The following DPYSL5 variants were observed in gnomAD, a reference collection of about 807,000 sequenced individuals.
The protein encoded by DPYSL5 is dihydropyrimidinase-related protein 5.
Under a neutral mutation model 58.4 loss-of-function variants are expected in DPYSL5, and 9 were observed. That is an observed-to-expected ratio of 0.15 (90% CI 0.09 to 0.27). The LOEUF (loss-of-function observed/expected upper bound fraction) is 0.27, where lower values mean the gene tolerates loss of function less well. Ranked by LOEUF, DPYSL5 falls within the 10% of genes least tolerant of loss-of-function variation. The pLI is 1.00. For synonymous variants in DPYSL5, 293 were observed against 301.9 expected (o/e 0.97, Z 0.31); for missense variants, 499 against 770.6 (o/e 0.65, Z 4.17).
At chr2:26,888,255 T>TCTTTCTTTCTG (rs1663776825) in intron 1 of DPYSL5, among the ~76,000 whole-genome samples, 9 of 108,256 alleles carry the variant, frequency 8.3e-5, no homozygotes, top group Admixed American at 4.4e-4. Flanking sequence ...CTTTCTTTCT[T>TCTTTCTTTCTG]TCTTTCTTTC....
chr2:26,894,111 T>G (rs1262505674), intron 1 of DPYSL5, among the ~76,000 whole-genome samples: 4 of 150,814 alleles, frequency 2.7e-5, no homozygotes. Flanking sequence ...AAATCCTTAT[T>G]ATTATAGATA....
intron 1 of DPYSL5, among the ~76,000 whole-genome samples, chr2:26,851,164 T>C (rs906269054): frequency 6.6e-6 from 1 of 152,212 alleles, no homozygotes; most frequent in African/African-American, 2.4e-5. Flanking sequence ...TTTCATATTA[T>C]TACCCAAAGG....
chr2:26,848,854 C>T (rs1055926102), intron 1 of DPYSL5, among the ~76,000 whole-genome samples: 14 of 152,182 alleles, frequency 9.2e-5, no homozygotes, highest in Non-Finnish European at 1.9e-4. Context: ...GCCTGAGCCA[C>T]AAAGGCCTCC....
chr2:26,871,086 G>A (rs1663250406), intron 1 of DPYSL5, among the ~76,000 whole-genome samples: 1 of 152,146 alleles, frequency 6.6e-6, no homozygotes, highest in Non-Finnish European at 1.5e-5. Flanking sequence ...CATGTTCAGT[G>A]GAGTTCTTGT....
intron 4 of DPYSL5, among the ~76,000 whole-genome samples, chr2:26,928,043 C>T (rs1664869995): frequency 6.6e-6 from 1 of 152,184 alleles, no homozygotes; most frequent in South Asian, 2.1e-4. Flanking sequence ...TATGTTCAGT[C>T]ATTATGAAGT....
chr2:26,898,643 C>T lies in DPYSL5; in HGVS notation c.144C>T (p.Ala48=). Residue 48 remains alanine (A), a synonymous_variant, in exon 2 of 13, where the codon GCC becomes GCT. Transcript: ENST00000288699. The surrounding 1 kb of genome is among the most constrained non-coding windows in gnomAD (Gnocchi z 6.1). The part of the protein sequence containing the change: ...VGRELMIPGG[A]KVIDATGKLV... ...GCGAGCTCATGATCCCTGGCGGGGC[C>T]AAGGTGATTGATGCCACAGGAAAAC... 2 of 1,614,154 alleles carry T rather than the reference C, an allele frequency of 1.2e-6. No individual in the cohort carries two copies. The highest frequency in any genetic ancestry group is 4.5e-5 in the East Asian group (2 of 44,882).
chr2:26,887,033 T>C (rs768194396), intron 1 of DPYSL5, among the ~76,000 whole-genome samples: 61 of 152,356 alleles, frequency 4.0e-4, no homozygotes, highest in Non-Finnish European at 7.1e-4. Context: ...TGAGCTGACC[T>C]CACCTGCCCC....
At chr2:26,890,396 AC>A (rs1663846493) in intron 1 of DPYSL5, among the ~76,000 whole-genome samples, 1 of 152,190 alleles carries the variant, frequency 6.6e-6, no homozygotes, top group Non-Finnish European at 1.5e-5. Flanking sequence ...CTCCAAAAGC[AC>A]CCTGGGTAGG....
At chr2:26,906,221 G>A (rs1664284798) in intron 2 of DPYSL5, among the ~76,000 whole-genome samples, 1 of 139,824 alleles carries the variant, frequency 7.2e-6, no homozygotes, top group Non-Finnish European at 1.5e-5. Context: ...GTCTTGCTCT[G>A]TCACCAGGCT....
At chr2:26,889,643 C>T (rs1040132544) in intron 1 of DPYSL5, among the ~76,000 whole-genome samples, 1 of 151,060 alleles carries the variant, frequency 6.6e-6, no homozygotes, top group African/African-American at 2.4e-5. Context: ...TCAATTGGAG[C>T]AGAGGGAAGA....
intron 1 of DPYSL5, among the ~76,000 whole-genome samples, chr2:26,857,144 G>A (rs1019040705): frequency 2.0e-5 from 3 of 151,970 alleles, no homozygotes; most frequent in African/African-American, 7.2e-5. Flanking sequence ...TGTCCTGACA[G>A]CCTTGGGCAA....
chr2:26,927,658 T>C lies in DPYSL5; in HGVS notation c.600+226T>C, dbSNP rs1664860707. Among the ~76,000 whole-genome samples, 1 of 152,252 alleles carries C rather than the reference T, an allele frequency of 6.6e-6. No individual in the cohort carries two copies. The highest frequency in any genetic ancestry group is 2.4e-5 in the African/African-American group (1 of 41,470). ...TTTATGGTTCAAAAAGGCTTCTAAG[T>C]CGTAGGTGATGATGTCTTAATTCTA... On this transcript the variant is annotated intron_variant, in intron 4 of 12. Coordinates refer to ENST00000288699, the MANE Select transcript of DPYSL5 (RefSeq NM_020134.4). The surrounding 1 kb of genome is among the most constrained non-coding windows in gnomAD (Gnocchi z 4.3).
intron 1 of DPYSL5, among the ~76,000 whole-genome samples, chr2:26,866,605 C>T (rs1261029347): frequency 6.6e-6 from 1 of 151,878 alleles, no homozygotes; most frequent in Non-Finnish European, 1.5e-5. Context: ...GATGGATATC[C>T]CAATTACCCT....
chr2:26,896,550 C>G (rs1664025961), intron 1 of DPYSL5, among the ~76,000 whole-genome samples: 1 of 151,978 alleles, frequency 6.6e-6, no homozygotes, highest in South Asian at 2.1e-4. Flanking sequence ...CAACACTTAT[C>G]TTTCATCTTT....
At chr2:26,896,566 A>T (rs1664026570) in intron 1 of DPYSL5, among the ~76,000 whole-genome samples, 1 of 152,190 alleles carries the variant, frequency 6.6e-6, no homozygotes, top group South Asian at 2.1e-4. Context: ...TCTTTTTGAT[A>T]ATAGTCATTC....
Position 26,925,684 on chromosome 2 carries a change from GC to G in DPYSL5, c.420+643del, listed in dbSNP as rs887722833. 1.3e-5 allele frequency among the ~76,000 whole-genome samples: 2 copies of G among 152,128 alleles called. No individual in the cohort carries two copies. The highest frequency in any genetic ancestry group is 2.9e-5 in the Non-Finnish European group (2 of 68,040). ...GCTTTCCTGTCCTCCCCCTGCCCAG[GC>G]CCCAGGGTCAGAGTCCAGACTCCTC... is the stretch of plus-strand genomic sequence containing the variant. On this transcript the variant is annotated intron_variant, in intron 3 of 12. Transcript: ENST00000288699. The surrounding 1 kb of genome is among the most constrained non-coding windows in gnomAD (Gnocchi z 4.5).
At chr2:26,888,136 A>G (rs971195371) in intron 1 of DPYSL5, among the ~76,000 whole-genome samples, 2 of 152,200 alleles carry the variant, frequency 1.3e-5, no homozygotes, top group African/African-American at 2.4e-5. Context: ...TTAATAGTCT[A>G]TGCAGCTCTA....
chr2:26,921,873 G>C (rs909582533), intron 2 of DPYSL5, among the ~76,000 whole-genome samples: 3 of 152,090 alleles, frequency 2.0e-5, no homozygotes, highest in Non-Finnish European at 2.9e-5. Flanking sequence ...TGCAGGTCAG[G>C]GGGCACGTGG....
chr2:26,913,690 C>A (rs889881906), intron 2 of DPYSL5, among the ~76,000 whole-genome samples: 26 of 152,102 alleles, frequency 1.7e-4, no homozygotes, highest in African/African-American at 5.8e-4. Context: ...TAATTTCTTT[C>A]CTGAAAGTGT....
Sources: gnomAD v4.1 joint callset for allele counts (sites outside exome capture counted in the v4.1 genomes callset) on GRCh38, gnomAD v4.1.1 for gene constraint, Gnocchi (gnomAD v3.1) non-coding constraint, MANE v1.5 for transcripts, NCBI Gene and HGNC (gene_info 2026-07-23, HGNC 2026-07-21) for gene names.